CHODL: variants seen among roughly 807,000 people sequenced by gnomAD.
The protein encoded by CHODL is transmembrane protein MT75.
CHODL carries 29 observed loss-of-function variants against 34.5 expected under a neutral mutation model. The observed-to-expected ratio is 0.84, with a 90% CI of 0.63 to 1.15. CHODL has a LOEUF of 1.15. Among genes scored for constraint, CHODL ranks in the 50% most tolerant of loss-of-function variants. The pLI, the probability that CHODL is intolerant of heterozygous loss-of-function variation, is 0.00. For synonymous variants in CHODL, 125 were observed against 116.1 expected, an observed-to-expected ratio of 1.08 and a Z score of -0.49; for missense variants, 332 against 332.5, an observed-to-expected ratio of 1.00 and a Z score of 0.01.
intron 2 of CHODL, among the ~76,000 whole-genome samples, chr21:18,238,852 A>C (rs996417448): frequency 6.6e-6 from 1 of 152,140 alleles, no homozygotes; most frequent in Admixed American, 6.5e-5. Flanking sequence ...TTTAAACATC[A>C]AAAACATTAC....
At chr21:18,205,472 G>T (rs1763043601) in intron 2 of CHODL, among the ~76,000 whole-genome samples, 1 of 151,348 alleles carries the variant, frequency 6.6e-6, no homozygotes, top group African/African-American at 2.4e-5. Context: ...ATTTCTGCCT[G>T]ATCTTTATTA....
chr21:17,970,983 G>T (rs1024518402), intron 1 of CHODL, among the ~76,000 whole-genome samples: 1 of 152,154 alleles, frequency 6.6e-6, no homozygotes, highest in African/African-American at 2.4e-5. Flanking sequence ...AAGATGTGCT[G>T]TTCGGTTTTC....
At chr21:17,983,936 T>G (rs1360482539) in intron 1 of CHODL, among the ~76,000 whole-genome samples, 1 of 152,104 alleles carries the variant, frequency 6.6e-6, no homozygotes, top group African/African-American at 2.4e-5. Context: ...GCAAGAACAC[T>G]TAACAGGAGT....
At chr21:18,016,575 G>T (rs1295390202) in intron 1 of CHODL, among the ~76,000 whole-genome samples, 1 of 152,226 alleles carries the variant, frequency 6.6e-6, no homozygotes, top group Non-Finnish European at 1.5e-5. Flanking sequence ...CCTCATGGAG[G>T]ACCTGTACTT....
chr21:18,161,449 C>T (rs2073094523), intron 2 of CHODL, among the ~76,000 whole-genome samples: 1 of 152,130 alleles, frequency 6.6e-6, no homozygotes, highest in Admixed American at 6.5e-5. Context: ...TTTCCAGCTT[C>T]TTTCTTTCAA....
At chr21:17,934,271 A>G (rs2063301958) in intron 1 of CHODL, among the ~76,000 whole-genome samples, 1 of 152,162 alleles carries the variant, frequency 6.6e-6, no homozygotes, top group Non-Finnish European at 1.5e-5. Flanking sequence ...ACAGTAAAAT[A>G]AAGTAGAACA....
chr21:18,088,543 A>T (rs1172912647), intron 2 of CHODL, among the ~76,000 whole-genome samples: 1 of 152,170 alleles, frequency 6.6e-6, no homozygotes, highest in African/African-American at 2.4e-5. Context: ...ACCCAAGATC[A>T]TAAAAGCCAA....
At chr21:18,096,828 C>T (rs964619145) in intron 2 of CHODL, among the ~76,000 whole-genome samples, 17 of 152,098 alleles carry the variant, frequency 1.1e-4, no homozygotes, top group African/African-American at 3.4e-4. Context: ...TTCGTTCACT[C>T]CCTCCCCTTC....
intron 1 of CHODL, among the ~76,000 whole-genome samples, chr21:17,926,899 A>G (rs1361214044): frequency 3.3e-5 from 5 of 152,120 alleles, no homozygotes; most frequent in Non-Finnish European, 7.4e-5. Flanking sequence ...TAAAGAGTGC[A>G]TTAGTGGGCA....
At chr21:18,061,126 A>T (rs2064658969) in intron 2 of CHODL, among the ~76,000 whole-genome samples, 1 of 152,204 alleles carries the variant, frequency 6.6e-6, no homozygotes, top group Non-Finnish European at 1.5e-5. Context: ...AGAACAACTA[A>T]ATTGGCAAAG....
At chr21:18,052,960 G>A (rs1267007621) in intron 2 of CHODL, among the ~76,000 whole-genome samples, 1 of 151,866 alleles carries the variant, frequency 6.6e-6, no homozygotes, top group Non-Finnish European at 1.5e-5. Flanking sequence ...CAAACATTGA[G>A]GAAATAGAAA....
At chr21:18,003,121 C>CA (rs372188101) in intron 1 of CHODL, among the ~76,000 whole-genome samples, 5,293 of 75,460 alleles carry the variant, frequency 0.07, 213 homozygotes, top group African/African-American at 0.17. Context: ...GACTCCGTCT[C>CA]AAAAAAAAAA....
rs937116218 is a variant in CHODL, at chr21:18,267,348, A to G, written c.*1310A>G. 6.6e-6 allele frequency: 1 copy of G among 152,188 alleles called. No homozygotes were observed. Among genetic ancestry groups the G allele is most frequent in the Admixed American group, 6.5e-5 (1 of 15,270 alleles). The allele number at this position is 152,188 out of a possible 1,614,324, so 9.4% of individuals were successfully genotyped here. On this transcript the variant is annotated 3_prime_UTR_variant, in exon 6 of 6. Coordinates refer to ENST00000299295, the MANE Select transcript of CHODL (RefSeq NM_024944.3). ...GTCCCTGTGCTCCTTTTAACCAAAT[A>G]AAGAGTTCTTGTTTCTGAAGAATGA...
intron 1 of CHODL, among the ~76,000 whole-genome samples, chr21:18,023,493 C>T (rs2064146492): frequency 6.6e-6 from 1 of 151,958 alleles, no homozygotes; most frequent in Non-Finnish European, 1.5e-5. Flanking sequence ...ATGTCGCGAA[C>T]CCAATCAGGA....
chr21:18,174,259 G>A (rs912036776), intron 2 of CHODL, among the ~76,000 whole-genome samples: 19 of 149,006 alleles, frequency 1.3e-4, no homozygotes, highest in Non-Finnish European at 2.7e-4. Context: ...ATAATGTAAC[G>A]CTAGATATGG....
At chr21:18,125,977 G>A (rs1384433778) in intron 2 of CHODL, among the ~76,000 whole-genome samples, 2 of 152,168 alleles carry the variant, frequency 1.3e-5, no homozygotes, top group Non-Finnish European at 2.9e-5. Context: ...TTCATGAAAT[G>A]AAGAGTAAAT....
intron 1 of CHODL, among the ~76,000 whole-genome samples, chr21:18,019,070 TA>T (rs2064103061): frequency 6.6e-6 from 1 of 152,214 alleles, no homozygotes. Flanking sequence ...ACAATAAAGA[TA>T]AAAATGATTA....
intron 2 of CHODL, among the ~76,000 whole-genome samples, chr21:18,076,964 G>T (rs950062434): frequency 2.6e-5 from 4 of 152,180 alleles, no homozygotes; most frequent in Admixed American, 2.0e-4. Context: ...ACCACCTAAA[G>T]TTGTGGGATT....
intron 1 of CHODL, among the ~76,000 whole-genome samples, chr21:18,025,038 A>G (rs1296370932): frequency 6.6e-6 from 1 of 152,188 alleles, no homozygotes; most frequent in African/African-American, 2.4e-5. Flanking sequence ...AAAGAACAAA[A>G]TAATTTATGT....
Sources: allele counts gnomAD v4.1 joint callset (sites outside exome capture counted in the v4.1 genomes callset), GRCh38; gene constraint gnomAD v4.1.1; transcripts MANE v1.5; gene names NCBI Gene and HGNC (gene_info 2026-07-23, HGNC 2026-07-21).